Variants in PHF24 observed in about 807,000 individuals in gnomAD.
The protein encoded by PHF24 is PHD finger protein 24.
In PHF24, 25 loss-of-function variants were observed where a neutral mutation model predicts 42.6. The ratio of observed to expected loss-of-function variants is 0.59; its 90% CI spans 0.43 to 0.82. PHF24 has a LOEUF of 0.82. Among genes scored for constraint, PHF24 ranks in the 40% least tolerant of loss-of-function variants. PHF24 has a pLI of 0.00. For missense variants in PHF24, 470 were observed against 538.1 expected, an observed-to-expected ratio of 0.87 and a Z score of 1.25; for synonymous variants, 185 against 204.8, an observed-to-expected ratio of 0.90 and a Z score of 0.83.
At chr9:34,669,957 C>T in the PHF24 span, among the ~76,000 whole-genome samples, 5 of 152,028 alleles carry the variant, frequency 3.3e-5, no homozygotes, top group Non-Finnish European at 2.9e-5. Context: ...AGGAAGGGGG[C>T]GCTGGAGATT....
At chr9:34,887,357 T>C in the PHF24 span, among the ~76,000 whole-genome samples, 4 of 152,192 alleles carry the variant, frequency 2.6e-5, no homozygotes, top group Non-Finnish European at 5.9e-5. Context: ...GACCCCCTAA[T>C]AGCTCCCCAA....
chr9:34,784,798 C>T, the PHF24 span, among the ~76,000 whole-genome samples: 2 of 152,154 alleles, frequency 1.3e-5, no homozygotes, highest in East Asian at 1.9e-4. Context: ...AGTGAAAGGA[C>T]TAAGACCAAT....
chr9:34,696,135 A>G, the PHF24 span, among the ~76,000 whole-genome samples: 2 of 152,172 alleles, frequency 1.3e-5, no homozygotes, highest in South Asian at 4.1e-4. Flanking sequence ...CTATAGTACT[A>G]TATTGAGGCC....
the PHF24 span, among the ~76,000 whole-genome samples, chr9:34,933,484 G>A: frequency 6.6e-6 from 1 of 152,042 alleles, no homozygotes; most frequent in African/African-American, 2.4e-5. Flanking sequence ...CAGCACTTTG[G>A]GAGGCCGAGG....
the PHF24 span, among the ~76,000 whole-genome samples, chr9:34,779,262 A>G: frequency 6.6e-6 from 1 of 152,098 alleles, no homozygotes; most frequent in African/African-American, 2.4e-5. Context: ...AAGAAATGAA[A>G]GAGAAAATAA....
chr9:34,889,220 C>T, the PHF24 span: 1 of 398,618 alleles, frequency 2.5e-6, no homozygotes, highest in Non-Finnish European at 4.4e-6. Flanking sequence ...AAAACAGTGC[C>T]TTCTGCTGAG....
At chr9:34,851,727 C>T in the PHF24 span, among the ~76,000 whole-genome samples, 1 of 152,158 alleles carries the variant, frequency 6.6e-6, no homozygotes, top group Non-Finnish European at 1.5e-5. Flanking sequence ...CGGAGCTGTT[C>T]CTATTCGGTC....
At chr9:34,714,948 C>T in the PHF24 span, among the ~76,000 whole-genome samples, 1 of 152,096 alleles carries the variant, frequency 6.6e-6, no homozygotes, top group South Asian at 2.1e-4. Flanking sequence ...GCCTGGTCTT[C>T]CTAGATGCAG....
the PHF24 span, chr9:34,691,018 CA>C: frequency 7.5e-7 from 1 of 1,333,982 alleles, no homozygotes; most frequent in South Asian, 1.3e-5. Context: ...CAGTGCCAAG[CA>C]ATCTGAGATC....
chr9:34,851,290 C>A, the PHF24 span, among the ~76,000 whole-genome samples: 20 of 152,212 alleles, frequency 1.3e-4, no homozygotes, highest in African/African-American at 4.6e-4. Flanking sequence ...TTTACCTAAG[C>A]AAGCCTGGGC....
At chr9:34,903,277 G>GT in the PHF24 span, among the ~76,000 whole-genome samples, 4 of 152,158 alleles carry the variant, frequency 2.6e-5, no homozygotes, top group Non-Finnish European at 5.9e-5. Flanking sequence ...ATATCCAGTA[G>GT]TTTTTTAAAA....
chr9:34,958,226 GCGCCGCCGCCGC>G (rs1240549939), upstream of PHF24: 26 of 151,312 alleles, frequency 1.7e-4, no homozygotes, highest in South Asian at 7.2e-4. The surrounding 1 kb of genome is among the most constrained non-coding windows in gnomAD (Gnocchi z 4.5). Flanking sequence ...CCGGCCGCGC[GCGCCGCCGCCGC>G]CGCCGCCGCC....
At chr9:34,717,586 A>G in the PHF24 span, among the ~76,000 whole-genome samples, 3 of 152,134 alleles carry the variant, frequency 2.0e-5, no homozygotes. Flanking sequence ...GCACACAGCC[A>G]CATTGTTGAG....
chr9:34,969,857 C>T (rs1826912078), intron 1 of PHF24, among the ~76,000 whole-genome samples: 1 of 152,166 alleles, frequency 6.6e-6, no homozygotes, highest in African/African-American at 2.4e-5. Flanking sequence ...CCTTACTTCT[C>T]CTCCTACCCG....
chr9:34,740,349 C>A, the PHF24 span, among the ~76,000 whole-genome samples: 1 of 152,252 alleles, frequency 6.6e-6, no homozygotes, highest in Non-Finnish European at 1.5e-5. Flanking sequence ...GAGGCTCAGG[C>A]ATGGCGGGTT....
At chr9:34,766,248 G>C in the PHF24 span, among the ~76,000 whole-genome samples, 2 of 152,200 alleles carry the variant, frequency 1.3e-5, no homozygotes, top group Non-Finnish European at 2.9e-5. Context: ...ATGTTGGCCT[G>C]CCTTGCTAGA....
At chr9:34,757,940 G>A in the PHF24 span, among the ~76,000 whole-genome samples, 66 of 152,288 alleles carry the variant, frequency 4.3e-4, no homozygotes, top group Admixed American at 1.0e-3. Flanking sequence ...GCCTTGGGGT[G>A]TACCTGGCAG....
the PHF24 span, among the ~76,000 whole-genome samples, chr9:34,769,952 C>G: frequency 2.6e-5 from 4 of 152,052 alleles, no homozygotes; most frequent in Non-Finnish European, 5.9e-5. Flanking sequence ...ATAAATAGTG[C>G]TTACATGAAA....
At chr9:34,878,929 C>A in the PHF24 span, among the ~76,000 whole-genome samples, 1 of 151,760 alleles carries the variant, frequency 6.6e-6, no homozygotes, top group Non-Finnish European at 1.5e-5. Context: ...AGTGGGTCCC[C>A]CCAGTAGCCT....
Sources: allele counts gnomAD v4.1 joint callset (sites outside exome capture counted in the v4.1 genomes callset), GRCh38; gene constraint gnomAD v4.1.1; non-coding constraint Gnocchi (gnomAD v3.1); transcripts MANE v1.5; gene names NCBI Gene and HGNC (gene_info 2026-07-23, HGNC 2026-07-21).